The following ARHGEF9 variants were observed in gnomAD, a reference collection of about 807,000 sequenced individuals.
ARHGEF9 encodes rho guanine nucleotide exchange factor 9.
In ARHGEF9, 2 loss-of-function variants were observed where a neutral mutation model predicts 41.3. The ratio of observed to expected loss-of-function variants is 0.05; its 90% CI spans 0.02 to 0.15. The LOEUF (loss-of-function observed/expected upper bound fraction) is 0.15, where lower values mean the gene tolerates loss of function less well. Among genes scored for constraint, ARHGEF9 ranks in the 10% least tolerant of loss-of-function variants. The pLI is 1.00. For missense variants in ARHGEF9, 225 were observed against 424.7 expected, an observed-to-expected ratio of 0.53 and a Z score of 4.13; for synonymous variants, 160 against 154.4, an observed-to-expected ratio of 1.04 and a Z score of -0.27.
chrX:63,712,493 T>G (rs2053003674), intron 2 of ARHGEF9, among the ~76,000 whole-genome samples: 1 of 111,716 alleles, frequency 9.0e-6, no homozygotes, highest in African/African-American at 3.2e-5. Flanking sequence ...CAAAAAATGA[T>G]AAGTATGCGA....
At chrX:63,708,659 T>C (rs1281879617) in intron 2 of ARHGEF9, among the ~76,000 whole-genome samples, 1 of 111,837 alleles carries the variant, frequency 8.9e-6, no homozygotes, top group Non-Finnish European at 1.9e-5. Context: ...TCATCTACTC[T>C]ACTGCAACAA....
intron 8 of ARHGEF9, among the ~76,000 whole-genome samples, chrX:63,648,936 C>G (rs1437914852): frequency 9.0e-6 from 1 of 111,321 alleles, no homozygotes; most frequent in Non-Finnish European, 1.9e-5. Flanking sequence ...TACAGGAGTA[C>G]CCAGATTCAT....
chrX:63,680,461 C>A (rs1569464088), intron 4 of ARHGEF9, among the ~76,000 whole-genome samples: 1 of 112,242 alleles, frequency 8.9e-6, no homozygotes, highest in East Asian at 2.8e-4. Flanking sequence ...GGACACTGCC[C>A]TAATGACCAG....
chrX:63,753,519 G>T lies in ARHGEF9; in HGVS notation c.31-28808C>A, dbSNP rs1257854498. On this transcript the variant is annotated intron_variant, in intron 1 of 9. Coordinates refer to ENST00000671741, the MANE Select transcript of ARHGEF9 (RefSeq NM_001353921.2). ...TACTATTATTCCCAAGGTGGATAAA[G>T]AGCTGTTTTTTCTTTCTTGTGGGGT... 2.8e-5 allele frequency among the ~76,000 whole-genome samples: 3 copies of T among 108,157 alleles called. No homozygotes were observed. In the Admixed American group the frequency reaches 3.0e-4, roughly 11 times the overall value. The allele number at this position is 108,157 out of a possible 115,157, so 93.9% of individuals were successfully genotyped here. A position where few individuals can be genotyped will look rare whatever the true frequency, so the allele number is the denominator to read the frequency against.
intron 3 of ARHGEF9, among the ~76,000 whole-genome samples, chrX:63,697,564 C>A (rs1365120813): frequency 1.8e-5 from 2 of 111,579 alleles, no homozygotes; most frequent in African/African-American, 6.5e-5. Flanking sequence ...TGAAGAAGAC[C>A]CCCAAAGTCA....
intron 8 of ARHGEF9, among the ~76,000 whole-genome samples, chrX:63,645,991 AT>A (rs1352579626): frequency 1.8e-5 from 2 of 111,683 alleles, no homozygotes; most frequent in Admixed American, 1.9e-4. Flanking sequence ...GATGATGAGC[AT>A]TTTTTCATGT....
chrX:63,678,234 A>G, intron 5 of ARHGEF9, 106 bp downstream of exon 5: 4 of 680,114 alleles, frequency 5.9e-6, no homozygotes, highest in Non-Finnish European at 9.3e-6. Context: ...TGTTTTGCAG[A>G]TAAGTTAACA....
intron 9 of ARHGEF9, 83 bp downstream of exon 9, chrX:63,643,897 G>T: frequency 9.6e-7 from 1 of 1,045,233 alleles, no homozygotes; most frequent in Non-Finnish European, 1.3e-6. Flanking sequence ...GTAAACCTCA[G>T]CACAGAAATG....
chrX:63,666,234 G>A (rs1436869774), intron 6 of ARHGEF9, among the ~76,000 whole-genome samples: 2 of 107,317 alleles, frequency 1.9e-5, no homozygotes, highest in Non-Finnish European at 3.9e-5. Flanking sequence ...AAGGCCAAAT[G>A]TGCCCTGCCA....
rs538747280 is a variant in ARHGEF9 at position 63,784,337 on chromosome X, A to G, written c.30+779T>C. ...CTCTCTGCAAAAGGAAGTCATTCCA[A>G]GGTCTCCAGGTGGAGAAGGGAACAC... On this transcript the variant is annotated intron_variant, in intron 1 of 9. Transcript: ENST00000671741. Among the ~76,000 whole-genome samples, 38 of 112,711 alleles carry G rather than the reference A, an allele frequency of 3.4e-4. 1 individual carries two copies. In the South Asian group the frequency reaches 0.012, roughly 35 times the overall value.
intron 8 of ARHGEF9, among the ~76,000 whole-genome samples, chrX:63,648,880 C>T (rs1166969186): frequency 9.0e-6 from 1 of 111,637 alleles, no homozygotes; most frequent in Non-Finnish European, 1.9e-5. Flanking sequence ...GTAAGGGCAT[C>T]AATTCAACAA....
chrX:63,757,252 T>C (rs1335109596), intron 1 of ARHGEF9, among the ~76,000 whole-genome samples: 1 of 111,423 alleles, frequency 9.0e-6, no homozygotes, highest in Non-Finnish European at 1.9e-5. Flanking sequence ...TGCACCTCCT[T>C]TCTACAAAAT....
intron 7 of ARHGEF9, among the ~76,000 whole-genome samples, chrX:63,662,809 T>C (rs781969916): frequency 8.9e-6 from 1 of 112,182 alleles, no homozygotes; most frequent in African/African-American, 3.2e-5. Flanking sequence ...AGTTCATTAA[T>C]ACTTTATTGT....
intron 8 of ARHGEF9, 26 bp downstream of exon 8, chrX:63,655,468 C>T (rs370096217): frequency 1.2e-5 from 15 of 1,208,783 alleles, no homozygotes; most frequent in Middle Eastern, 2.3e-4. Flanking sequence ...TAGCCATGTT[C>T]TTCTTTCTAC....
intron 4 of ARHGEF9, among the ~76,000 whole-genome samples, chrX:63,687,798 T>C (rs2051078855): frequency 1.8e-5 from 2 of 109,104 alleles, no homozygotes; most frequent in South Asian, 8.0e-4. Context: ...CTAAGACTAT[T>C]TGAAAATACA....
chrX:63,780,943 A>C (rs2056370132), intron 1 of ARHGEF9, among the ~76,000 whole-genome samples: 1 of 111,993 alleles, frequency 8.9e-6, no homozygotes, highest in Admixed American at 9.5e-5. Context: ...GTAGGTTGAA[A>C]GTAAACAATA....
chrX:63,760,750 A>G (rs1284826100), intron 1 of ARHGEF9, among the ~76,000 whole-genome samples: 1 of 111,728 alleles, frequency 9.0e-6, no homozygotes. Flanking sequence ...TTGGGCCCAC[A>G]TGGTGCTAGG....
chrX:63,717,365 A>G (rs782754599), intron 2 of ARHGEF9, among the ~76,000 whole-genome samples: 1 of 112,316 alleles, frequency 8.9e-6, no homozygotes, highest in South Asian at 3.8e-4. Flanking sequence ...ATTAGTCTTG[A>G]AAGCCTGGCA....
chrX:63,675,044 G>A (rs782402201), intron 5 of ARHGEF9, among the ~76,000 whole-genome samples: 163 of 110,906 alleles, frequency 1.5e-3, no homozygotes, highest in Non-Finnish European at 2.2e-3. Context: ...TGTGATGGCC[G>A]AACCTCTGGT....
Sources: gnomAD v4.1 joint callset for allele counts (sites outside exome capture counted in the v4.1 genomes callset) on GRCh38, gnomAD v4.1.1 for gene constraint, MANE v1.5 for transcripts, NCBI Gene and HGNC (gene_info 2026-07-23, HGNC 2026-07-21) for gene names.